SLC5A10: variants seen among roughly 807,000 people sequenced by gnomAD.
SLC5A10 encodes the protein solute carrier family 5 member 10.
SLC5A10 carries 55 observed loss-of-function variants against 68.9 expected under a neutral mutation model. The ratio of observed to expected loss-of-function variants is 0.80; its 90% CI spans 0.64 to 1.00. The LOEUF (loss-of-function observed/expected upper bound fraction) is 1.00. SLC5A10 is among the 50% of genes least tolerant of loss of function. SLC5A10 has a pLI of 0.00. For synonymous variants in SLC5A10, 344 were observed against 344.8 expected (o/e 1.00, Z 0.02); for missense variants, 732 against 819.3 (o/e 0.89, Z 1.30).
intron 9 of SLC5A10, among the ~76,000 whole-genome samples, chr17:18,984,440 G>C (rs934006004): frequency 2.0e-5 from 3 of 152,106 alleles, no homozygotes; most frequent in Non-Finnish European, 2.9e-5. Flanking sequence ...CCCGGGGAAC[G>C]GGGGAACCTG....
At chr17:18,955,916 C>T (rs1315970013) in intron 1 of SLC5A10, among the ~76,000 whole-genome samples, 2 of 152,130 alleles carry the variant, frequency 1.3e-5, no homozygotes, top group Admixed American at 6.6e-5. Context: ...ATAAATAGGC[C>T]GGGCGCGGTG....
At position 19,003,662 on chromosome 17, in the gene SLC5A10, G is replaced by C. The variant is rs780881053; in HGVS notation, c.983-9748G>C. 1 of 1,611,960 alleles carries C rather than the reference G, an allele frequency of 6.2e-7. No homozygotes were observed. Among genetic ancestry groups the C allele is most frequent in the African/African-American group, 1.3e-5 (1 of 75,054 alleles). On this transcript the variant is annotated intron_variant, in intron 9 of 14. Coordinates refer to ENST00000395645, the MANE Select transcript of SLC5A10 (RefSeq NM_001042450.4). The surrounding 1 kb of genome is among the most constrained non-coding windows in gnomAD (Gnocchi z 4.5). ...CCAGCCCAGGTCCAGCTGCGGGATG[G>C]AGCGGTCCGACTTCTGGGGCCAGTA...
upstream of SLC5A10, among the ~76,000 whole-genome samples, chr17:18,951,321 T>TGAATCCTACTCTGCGCC (rs1438213887): frequency 2.6e-5 from 4 of 152,204 alleles, no homozygotes; most frequent in African/African-American, 9.6e-5. Context: ...ACATCTGCAC[T>TGAATCCTACTCTGCGCC]GAATCCTACT....
chr17:18,980,900 T>C (rs2043114279), intron 9 of SLC5A10, among the ~76,000 whole-genome samples: 1 of 152,136 alleles, frequency 6.6e-6, no homozygotes, highest in Admixed American at 6.5e-5. Context: ...TCTGCCTGCA[T>C]GCCTCCTGTG....
chr17:18,989,663 G>T (rs2043361646), intron 9 of SLC5A10, among the ~76,000 whole-genome samples: 1 of 152,348 alleles, frequency 6.6e-6, no homozygotes, highest in African/African-American at 2.4e-5. Context: ...GGCTGGGGCG[G>T]GGGCTCGGTG....
chr17:18,974,843 G>A (rs751656741), intron 8 of SLC5A10, among the ~76,000 whole-genome samples: 6 of 152,288 alleles, frequency 3.9e-5, no homozygotes, highest in African/African-American at 7.2e-5. Context: ...AGGGAAGAGC[G>A]CCTGGCTGGG....
chr17:18,978,815 A>G (rs2043056400), intron 9 of SLC5A10: 1 of 1,612,932 alleles, frequency 6.2e-7, no homozygotes, highest in African/African-American at 1.3e-5. Flanking sequence ...CACAGAGATC[A>G]CATTCCGGTC....
chr17:19,002,440 C>T (rs2043754453), intron 9 of SLC5A10, among the ~76,000 whole-genome samples: 1 of 152,226 alleles, frequency 6.6e-6, no homozygotes, highest in Admixed American at 6.5e-5. Flanking sequence ...TTCCCCAAGG[C>T]CCTGTCAGTT....
chr17:18,995,162 T>C (rs1278802885), intron 9 of SLC5A10, among the ~76,000 whole-genome samples: 1 of 151,568 alleles, frequency 6.6e-6, no homozygotes, highest in Non-Finnish European at 1.5e-5. Flanking sequence ...ATGATGCACA[T>C]GAGAAAAAAA....
intron 7 of SLC5A10, chr17:18,970,808 C>T (rs531825494): frequency 8.2e-5 from 48 of 586,660 alleles, no homozygotes; most frequent in African/African-American, 4.3e-4. Context: ...ATTTTAAATA[C>T]GAATAAAATA....
chr17:18,986,644 G>A (rs550953539), intron 9 of SLC5A10, among the ~76,000 whole-genome samples: 3 of 152,374 alleles, frequency 2.0e-5, no homozygotes, highest in Admixed American at 2.0e-4. Flanking sequence ...CTTCTCTGCT[G>A]AGAAGGGGCC....
rs1205589387 is a variant in SLC5A10, at chr17:19,004,203, G to T, written c.983-9207G>T. ...AAGACCTGATGAGCCCGGCTCGGCG[G>T]GGAGGGCGGGCCGCGCGGGGAGGGG... is the stretch of plus-strand genomic sequence containing the variant. On this transcript the variant is annotated intron_variant, in intron 9 of 14. Coordinates refer to ENST00000395645, the MANE Select transcript of SLC5A10 (RefSeq NM_001042450.4). This position sits in a 1 kb window ranked among gnomAD's most constrained non-coding sequence, Gnocchi z 5.4. 4.6e-6 allele frequency: 3 copies of T among 651,476 alleles called. No homozygotes were observed. Among genetic ancestry groups the T allele is most frequent in the Non-Finnish European group, 7.3e-6 (3 of 409,350 alleles). 40.4% of individuals were successfully genotyped at this position (651,476 alleles called of 1,614,324 possible).
Position 19,003,573 on chromosome 17 carries a change from C to A in SLC5A10, c.983-9837C>A. The A allele has an allele frequency of 6.3e-7, 1 of 1,585,866 alleles. No individual in the cohort carries two copies. Among genetic ancestry groups the A allele is most frequent in the Admixed American group, 1.8e-5 (1 of 55,316 alleles). On this transcript the variant is annotated intron_variant, in intron 9 of 14. Coordinates refer to ENST00000395645, the MANE Select transcript of SLC5A10 (RefSeq NM_001042450.4). This position sits in a 1 kb window ranked among gnomAD's most constrained non-coding sequence, Gnocchi z 4.5. ...ACCACCTCTTTGATGTGGGCCTGCC[C>A]GTCTATGGGGGGCTGCATGTAGACG... is the stretch of plus-strand genomic sequence containing the variant.
chr17:18,956,309 G>A (rs2042499890), intron 1 of SLC5A10, among the ~76,000 whole-genome samples: 1 of 151,730 alleles, frequency 6.6e-6, no homozygotes, highest in African/African-American at 2.4e-5. Context: ...TATAGGGCAG[G>A]GCAATTAAAG....
chr17:19,021,831 A>T lies in SLC5A10; in HGVS notation c.*1400A>T. 1 of 954,222 alleles carries T rather than the reference A, an allele frequency of 1.0e-6. No homozygotes were observed. Among genetic ancestry groups the T allele is most frequent in the Middle Eastern group, 3.7e-4 (1 of 2,738 alleles). The allele number at this position is 954,222 out of a possible 1,614,324, so 59.1% of individuals were successfully genotyped here. A position where few individuals can be genotyped will look rare whatever the true frequency, so the allele number is the denominator to read the frequency against. ...TGCAGAGCGGCCGGAGGCAGTTAGGAGCCCACGTTCAGTCCAAGGCCGTCC... is the reference window on the plus strand; with the variant it reads ...TGCAGAGCGGCCGGAGGCAGTTAGGTGCCCACGTTCAGTCCAAGGCCGTCC... On this transcript the variant is annotated 3_prime_UTR_variant, in exon 15 of 15. Coordinates refer to ENST00000395645, the MANE Select transcript of SLC5A10 (RefSeq NM_001042450.4). The surrounding 1 kb of genome is among the most constrained non-coding windows in gnomAD (Gnocchi z 4.1).
upstream of SLC5A10, chr17:18,952,082 G>C: frequency 6.9e-7 from 1 of 1,446,988 alleles, no homozygotes; most frequent in South Asian, 1.4e-5. Context: ...GCCACATCAT[G>C]GGCTGGAGAT....
intron 9 of SLC5A10, chr17:18,978,912 G>A (rs554617400): frequency 1.3e-4 from 199 of 1,573,702 alleles, no homozygotes; most frequent in African/African-American, 1.7e-4. Context: ...CCCAGCCCCC[G>A]TGCACCCATA....
At chr17:18,995,425 T>C (rs1476546418) in intron 9 of SLC5A10, among the ~76,000 whole-genome samples, 1 of 152,098 alleles carries the variant, frequency 6.6e-6, no homozygotes, top group Non-Finnish European at 1.5e-5. Flanking sequence ...GTAGAAACTG[T>C]CCAAAATGAC....
chr17:18,960,651 C>A lies in SLC5A10; in HGVS notation c.452C>A (p.Ser151Ter). The A allele has an allele frequency of 6.2e-7, 1 of 1,613,558 alleles. No homozygotes were observed. Among genetic ancestry groups the A allele is most frequent in the Non-Finnish European group, 8.5e-7 (1 of 1,179,504 alleles). Residue 151 changes from serine to a stop codon, truncating the protein, a stop_gained and splice_region_variant, in exon 5 of 15, where the codon TCG becomes TAG. Transcript: ENST00000395645. LOFTEE classifies it high-confidence loss of function. Reference protein sequence around the residue: ...SLLLSVFTKISLDLYAGALFV... With the variant: ...SLLLSVFTKI ...CTACTGTCTGTCTTCACCAAGATAT[C>A]GGTGAGCTGCCCCCGGCTCCCTGCT...
Sources: gnomAD v4.1 joint callset for allele counts (sites outside exome capture counted in the v4.1 genomes callset) on GRCh38, gnomAD v4.1.1 for gene constraint, Gnocchi (gnomAD v3.1) non-coding constraint, MANE v1.5 for transcripts, NCBI Gene and HGNC (gene_info 2026-07-23, HGNC 2026-07-21) for gene names.